Variants in CLCA2 observed in about 807,000 individuals in gnomAD.
CLCA2 encodes calcium-activated chloride channel regulator 2.
A neutral mutation model predicts 82.9 loss-of-function variants in CLCA2; 85 were observed. The observed-to-expected ratio is 1.03, with a 90% confidence interval of 0.86 to 1.23. The LOEUF (loss-of-function observed/expected upper bound fraction) is 1.23. Among genes scored for constraint, CLCA2 ranks in the 50% most tolerant of loss-of-function variants. The pLI is 0.00. For missense variants in CLCA2, 1,089 were observed against 1,124.8 expected, an observed-to-expected ratio of 0.97 and a Z score of 0.45; for synonymous variants, 421 against 391.7, an observed-to-expected ratio of 1.07 and a Z score of -0.88.
chr1:86,435,474 T>G (rs908669194), intron 6 of CLCA2, among the ~76,000 whole-genome samples: 13 of 152,228 alleles, frequency 8.5e-5, no homozygotes, highest in African/African-American at 3.1e-4. Flanking sequence ...CATGTCATTG[T>G]GTACAGAAGA....
Position 86,428,569 on chromosome 1 carries a change from G to T in CLCA2, c.475+1G>T, listed in dbSNP as rs1245057217. The T allele has an allele frequency of 6.2e-7, 1 of 1,612,410 alleles. No individual in the cohort carries two copies. The highest frequency in any genetic ancestry group is 2.2e-5 in the East Asian group (1 of 44,848). On this transcript the variant is annotated splice_donor_variant, in intron 3 of 13. Coordinates refer to ENST00000370565, the MANE Select transcript of CLCA2 (RefSeq NM_006536.7). LOFTEE classifies it high-confidence loss of function. Reference sequence around the variant, plus strand: ...TTAACAGCTGGCTACGGATCACGAGGTAAGTGGGACCAATAAAACAATAGC... The same window carrying T: ...TTAACAGCTGGCTACGGATCACGAGTTAAGTGGGACCAATAAAACAATAGC...
intron 8 of CLCA2, among the ~76,000 whole-genome samples, chr1:86,441,182 T>A (rs1044805536): frequency 3.9e-5 from 6 of 152,138 alleles, no homozygotes; most frequent in Non-Finnish European, 8.8e-5. Flanking sequence ...AATAAATATT[T>A]ATTGAGTTCT....
At chr1:86,443,644 A>G (rs937628607) in intron 9 of CLCA2, 143 bp from the exon 10 acceptor site, 4 of 621,746 alleles carry the variant, frequency 6.4e-6, no homozygotes, top group Non-Finnish European at 1.1e-5. Flanking sequence ...AGTATTTTTT[A>G]TGAAAAATGA....
Position 86,440,292 on chromosome 1 carries a change from GC to G in CLCA2, c.1352del (p.Pro451GlnfsTer13), listed in dbSNP as rs771809953. On this transcript the variant is annotated frameshift_variant, in exon 8 of 14. Coordinates refer to ENST00000370565, the MANE Select transcript of CLCA2 (RefSeq NM_006536.7). LOFTEE classifies it high-confidence loss of function. Reference sequence around the variant, plus strand: ...CTCCATTGCCCTGGGTTCATCTGCAGCCCCAAATCTGGAGGAATTATCACGT... The same window carrying G: ...CTCCATTGCCCTGGGTTCATCTGCAGCCCAAATCTGGAGGAATTATCACGT... The part of the protein sequence containing the change: ...IHSIALGSSA[A>X]PNLEELSRLT... 1.9e-5 allele frequency: 31 copies of G among 1,613,932 alleles called. No individual in the cohort carries two copies. In the African/African-American group the frequency reaches 3.9e-4, roughly 20 times the overall value.
chr1:86,424,655 GTTA>G (rs1398691082), intron 1 of CLCA2, among the ~76,000 whole-genome samples: 4 of 151,986 alleles, frequency 2.6e-5, no homozygotes, highest in African/African-American at 9.7e-5. Context: ...CCTCTATTTT[GTTA>G]TTGTTGGTTG....
intron 12 of CLCA2, 72 bp downstream of exon 12, chr1:86,450,805 T>A: frequency 7.6e-7 from 1 of 1,320,062 alleles, no homozygotes; most frequent in East Asian, 2.6e-5. Context: ...ATGTGTGTAC[T>A]GGGGTGGCAG....
At chr1:86,454,642 A>G (rs1163553145) in intron 13 of CLCA2, among the ~76,000 whole-genome samples, 2 of 152,120 alleles carry the variant, frequency 1.3e-5, no homozygotes, top group Non-Finnish European at 2.9e-5. Context: ...AAATACAAAA[A>G]TAAGCCGGGC....
chr1:86,440,363 C>A, intron 8 of CLCA2, 38 bp downstream of exon 8: 7 of 1,563,012 alleles, frequency 4.5e-6, no homozygotes, highest in Non-Finnish European at 6.1e-6. Context: ...TGGAGCATGT[C>A]CCTTTAACTT....
chr1:86,431,443 T>C (rs1416529983), intron 4 of CLCA2, among the ~76,000 whole-genome samples: 1 of 152,256 alleles, frequency 6.6e-6, no homozygotes, highest in Non-Finnish European at 1.5e-5. Context: ...TCTTTTGTAT[T>C]ATCAGTAACA....
chr1:86,436,126 A>G (rs992852682), intron 6 of CLCA2, among the ~76,000 whole-genome samples: 1 of 152,190 alleles, frequency 6.6e-6, no homozygotes, highest in Middle Eastern at 3.2e-3. Flanking sequence ...AGCCTAAAAT[A>G]TTTACTATCT....
chr1:86,455,337 T>C lies in CLCA2; in HGVS notation c.2642T>C (p.Ile881Thr). Residue 881 changes from isoleucine to threonine, a missense_variant, in exon 14 of 14, where the codon ATT (isoleucine) becomes ACT (threonine). Transcript: ENST00000370565. Reference protein sequence around the residue: ...RNSLQSAVSNIAQAPLFIPPN... With the variant: ...RNSLQSAVSNTAQAPLFIPPN... Reference sequence around the variant, plus strand: ...TCCTTACAGTCTGCTGTATCTAACATTGCCCAGGCGCCTCTGTTTATTCCC... The same window carrying C: ...TCCTTACAGTCTGCTGTATCTAACACTGCCCAGGCGCCTCTGTTTATTCCC... 1 of 1,613,174 alleles carries C rather than the reference T, an allele frequency of 6.2e-7. No individual in the cohort carries two copies. The highest frequency in any genetic ancestry group is 8.5e-7 in the Non-Finnish European group (1 of 1,179,664).
intron 11 of CLCA2, among the ~76,000 whole-genome samples, chr1:86,449,917 T>G (rs1662929448): frequency 6.6e-6 from 1 of 152,172 alleles, no homozygotes; most frequent in Non-Finnish European, 1.5e-5. Flanking sequence ...AGGAAGTACA[T>G]CACTGGCTAA....
intron 2 of CLCA2, among the ~76,000 whole-genome samples, chr1:86,426,245 G>T (rs534395119): frequency 2.0e-5 from 3 of 152,142 alleles, no homozygotes; most frequent in Non-Finnish European, 4.4e-5. Flanking sequence ...TAGAGGCATT[G>T]GCAACTTATC....
At chr1:86,450,827 AAG>A (rs2101711819) in intron 12 of CLCA2, 94 bp downstream of exon 12, 2 of 1,147,196 alleles carry the variant, frequency 1.7e-6, no homozygotes, top group African/African-American at 1.6e-5. Flanking sequence ...GAGTGAGAGA[AAG>A]AGAGAATTTC....
Position 86,433,934 on chromosome 1 carries a change from G to A in CLCA2, c.745-584G>A, listed in dbSNP as rs75882761. On this transcript the variant is annotated intron_variant, in intron 5 of 13. Coordinates refer to ENST00000370565, the MANE Select transcript of CLCA2 (RefSeq NM_006536.7). Reference sequence around the variant, plus strand: ...ATTTTTAAGTGGGGTATTGACATAGGTTCAGTATCATTTAGTGAATTATAT... The same window carrying A: ...ATTTTTAAGTGGGGTATTGACATAGATTCAGTATCATTTAGTGAATTATAT... Among the ~76,000 whole-genome samples the A allele has an allele frequency of 2.3e-3, 345 of 151,836 alleles. 1 individual carries two copies. Among genetic ancestry groups the A allele is most frequent in the Non-Finnish European group, 4.0e-3 (275 of 67,968 alleles).
chr1:86,435,766 T>A (rs1662594256), intron 6 of CLCA2, among the ~76,000 whole-genome samples: 1 of 152,182 alleles, frequency 6.6e-6, no homozygotes, highest in South Asian at 2.1e-4. Context: ...GATATAAGCT[T>A]ACAATAAAAT....
chr1:86,434,729 C>A lies in CLCA2; in HGVS notation c.956C>A (p.Ser319Tyr). Residue 319 changes from serine to tyrosine, a missense_variant, in exon 6 of 14, where the codon TCC becomes TAC. By Grantham distance (144) the Ser-to-Tyr change is moderately radical. Transcript: ENST00000370565. Reference protein sequence around the residue: ...DKVVCLVLDVSSKMAEADRLL... With the variant: ...DKVVCLVLDVYSKMAEADRLL... ...GTGGTCTGTTTAGTGCTGGATGTGT[C>A]CAGCAAGATGGCAGAGGTAACATTT... 1 of 1,611,486 alleles carries A rather than the reference C, an allele frequency of 6.2e-7. No individual in the cohort carries two copies. The highest frequency in any genetic ancestry group is 8.5e-7 in the Non-Finnish European group (1 of 1,177,796).
At chr1:86,434,766 G>C in intron 6 of CLCA2, 21 bp downstream of exon 6, 1 of 1,524,876 alleles carries the variant, frequency 6.6e-7, no homozygotes, top group Non-Finnish European at 9.1e-7. Context: ...GAACGAAAAT[G>C]AATGTAAACA....
chr1:86,445,381 T>TTTC (rs1296438401), intron 10 of CLCA2: 1 of 139,488 alleles, frequency 7.2e-6, no homozygotes, highest in East Asian at 2.0e-4. Flanking sequence ...TTTTTTTTTT[T>TTTC]AGCTTAGAAG....
Sources: gnomAD v4.1 joint callset for allele counts (sites outside exome capture counted in the v4.1 genomes callset) on GRCh38, gnomAD v4.1.1 for gene constraint, MANE v1.5 for transcripts, NCBI Gene and HGNC (gene_info 2026-07-23, HGNC 2026-07-21) for gene names.